TMEM116: variants seen among roughly 807,000 people sequenced by gnomAD.
The protein encoded by TMEM116 is transmembrane protein 116.
In TMEM116, 38 loss-of-function variants were observed where a neutral mutation model predicts 44.3. That is an observed-to-expected ratio of 0.86 (90% CI 0.66 to 1.12). TMEM116 has a LOEUF of 1.12. Among genes scored for constraint, TMEM116 ranks in the 50% most tolerant of loss-of-function variants. The pLI, the probability that TMEM116 is intolerant of heterozygous loss-of-function variation, is 0.00. For missense variants in TMEM116, 354 were observed against 401.7 expected (o/e 0.88, Z 1.01); for synonymous variants, 132 against 144.8 (o/e 0.91, Z 0.64).
chr12:111,999,581 A>G lies in TMEM116; in HGVS notation c.78+4219T>C, dbSNP rs994539773. Among the ~76,000 whole-genome samples the G allele has an allele frequency of 3.3e-5, 5 of 152,174 alleles. No homozygotes were observed. In the East Asian group the frequency reaches 9.6e-4, roughly 29 times the overall value. ...ACCACTGCACTCCAGCTTGGGCTAC[A>G]GAGCGAGACTCCATCTCAAAAAAAA... On this transcript the variant is annotated intron_variant, in intron 3 of 10. Transcript: ENST00000552374.
chr12:111,967,552 TC>T (rs2075051528), intron 4 of TMEM116, among the ~76,000 whole-genome samples: 2 of 152,058 alleles, frequency 1.3e-5, no homozygotes, highest in South Asian at 4.1e-4. Flanking sequence ...CTCTGAGGCC[TC>T]CCAATTTCCC....
At chr12:111,986,624 A>T (rs534094235) in intron 4 of TMEM116, among the ~76,000 whole-genome samples, 2 of 152,168 alleles carry the variant, frequency 1.3e-5, no homozygotes, top group South Asian at 4.2e-4. Flanking sequence ...AGTGTGAGCA[A>T]CATAGGAGAC....
At chr12:111,941,852 T>A (rs1169637843) in intron 5 of TMEM116, among the ~76,000 whole-genome samples, 3 of 152,098 alleles carry the variant, frequency 2.0e-5, no homozygotes, top group Non-Finnish European at 2.9e-5. Context: ...AAGAAGTCAA[T>A]CAGATGAAGA....
chr12:111,980,640 T>C (rs889286871), intron 4 of TMEM116, among the ~76,000 whole-genome samples: 2 of 152,178 alleles, frequency 1.3e-5, no homozygotes, highest in Non-Finnish European at 2.9e-5. Context: ...AAAATGATTA[T>C]AGGGGAAACT....
chr12:111,994,010 C>A, intron 3 of TMEM116: 1 of 572,586 alleles, frequency 1.7e-6, no homozygotes, highest in Non-Finnish European at 3.4e-6. Flanking sequence ...CTCCCTTGCC[C>A]TCCCCCAAGA....
In TMEM116 at chr12:111,956,912, G is replaced by A. The variant is rs1022156875; in HGVS notation, c.211-13543C>T. The stretch of plus-strand genomic sequence containing the variant: ...CTTGGCCTCCCAAAGTCCCAAGATT[G>A]CAGCCTCTGCCTGGCCGCCACCCCG... On this transcript the variant is annotated intron_variant, in intron 4 of 10. Coordinates refer to ENST00000552374, the MANE Select transcript of TMEM116 (RefSeq NM_001193531.2). 9.2e-5 allele frequency among the ~76,000 whole-genome samples: 14 copies of A among 152,314 alleles called. No homozygotes were observed. In the South Asian group the frequency reaches 2.9e-3, roughly 32 times the overall value.
intron 3 of TMEM116, among the ~76,000 whole-genome samples, chr12:112,000,463 A>G (rs2077189494): frequency 6.6e-6 from 1 of 152,140 alleles, no homozygotes; most frequent in Non-Finnish European, 1.5e-5. Context: ...AGAGCGAGCT[A>G]CTATTAACAG....
At chr12:111,984,630 A>C (rs1000376907) in intron 4 of TMEM116, among the ~76,000 whole-genome samples, 1 of 152,066 alleles carries the variant, frequency 6.6e-6, no homozygotes, top group Non-Finnish European at 1.5e-5. Context: ...CAAAGGAAAA[A>C]GGGTGACTAT....
At chr12:111,960,863 C>T (rs1339284029) in intron 4 of TMEM116, among the ~76,000 whole-genome samples, 2 of 152,016 alleles carry the variant, frequency 1.3e-5, no homozygotes, top group South Asian at 2.1e-4. Flanking sequence ...AGGAAAAACC[C>T]TTCAAAAAAA....
chr12:111,942,769 T>TGTGTGTGTGTGTGG (rs1491351658), intron 5 of TMEM116, among the ~76,000 whole-genome samples: 4 of 148,038 alleles, frequency 2.7e-5, no homozygotes, highest in African/African-American at 9.8e-5. Context: ...TGTATGTGTA[T>TGTGTGTGTGTGTGG]GTGTGTGTGT....
chr12:111,990,976 T>G (rs1366628979), intron 4 of TMEM116, among the ~76,000 whole-genome samples: 1 of 152,084 alleles, frequency 6.6e-6, no homozygotes, highest in Non-Finnish European at 1.5e-5. Context: ...ATCCCAGCAC[T>G]TTGGGAGGCT....
At position 111,994,467 on chromosome 12, in the gene TMEM116, T is replaced by A. The variant is rs367684089; in HGVS notation, c.79-2578A>T. Among the ~76,000 whole-genome samples the A allele has an allele frequency of 3.3e-5, 5 of 152,316 alleles. No homozygotes were observed. The East Asian group carries it at 9.6e-4, about 29-fold the overall frequency. On this transcript the variant is annotated intron_variant, in intron 3 of 10. Coordinates refer to ENST00000552374, the MANE Select transcript of TMEM116 (RefSeq NM_001193531.2). ...GCGTCACCGCCTTCTGGTCCTGTGATGCCGCCAATGCACTGGATATACTGG... is the reference window on the plus strand; with the variant it reads ...GCGTCACCGCCTTCTGGTCCTGTGAAGCCGCCAATGCACTGGATATACTGG...
intron 10 of TMEM116, 86 bp from the exon 11 acceptor site, chr12:111,931,913 C>A: frequency 1.1e-6 from 1 of 944,666 alleles, no homozygotes; most frequent in Non-Finnish European, 1.6e-6. Context: ...ATTCATAAAG[C>A]ATTGTTATAT....
chr12:112,009,271 T>A (rs551715103), intron 1 of TMEM116, among the ~76,000 whole-genome samples: 1 of 152,200 alleles, frequency 6.6e-6, no homozygotes, highest in South Asian at 2.1e-4. Context: ...CCTGAACAAA[T>A]TACCCTCCAG....
intron 4 of TMEM116, among the ~76,000 whole-genome samples, chr12:111,958,083 G>C (rs369121218): frequency 4.0e-4 from 61 of 151,874 alleles, no homozygotes; most frequent in East Asian, 3.3e-3. Context: ...CAGCATGCTC[G>C]TTAAGAGTCA....
chr12:111,940,538 TATATATACACAC>T (rs1464161913), intron 5 of TMEM116, among the ~76,000 whole-genome samples: 3 of 119,672 alleles, frequency 2.5e-5, no homozygotes, highest in Non-Finnish European at 5.0e-5. Flanking sequence ...TATATATATA[TATATATACACAC>T]ACACATATAT....
chr12:111,932,135 CAGAT>C (rs1044058572), intron 10 of TMEM116, among the ~76,000 whole-genome samples: 1 of 151,946 alleles, frequency 6.6e-6, no homozygotes, highest in East Asian at 1.9e-4. Flanking sequence ...TCGGAATAGT[CAGAT>C]AGCCCAAAAA....
At chr12:111,948,601 T>C (rs1177828751) in intron 4 of TMEM116, among the ~76,000 whole-genome samples, 1 of 152,176 alleles carries the variant, frequency 6.6e-6, no homozygotes, top group Admixed American at 6.5e-5. Flanking sequence ...TGGCAGTATC[T>C]TGGGGAATAA....
At chr12:111,980,390 T>C (rs1363284466) in intron 4 of TMEM116, among the ~76,000 whole-genome samples, 2 of 152,028 alleles carry the variant, frequency 1.3e-5, no homozygotes, top group Non-Finnish European at 2.9e-5. Flanking sequence ...CATAAAAATA[T>C]CAATGAGTTG....
Sources: gnomAD v4.1 joint callset for allele counts (sites outside exome capture counted in the v4.1 genomes callset) on GRCh38, gnomAD v4.1.1 for gene constraint, MANE v1.5 for transcripts, NCBI Gene and HGNC (gene_info 2026-07-23, HGNC 2026-07-21) for gene names.